Variants in RUSC2 observed in about 807,000 individuals in gnomAD.
RUSC2 encodes the protein AP-4 complex accessory subunit RUSC2.
RUSC2 carries 34 observed loss-of-function variants against 122.2 expected under a neutral mutation model. The observed-to-expected ratio is 0.28, with a 90% confidence interval of 0.21 to 0.37. The LOEUF (loss-of-function observed/expected upper bound fraction) is 0.37, where lower values mean the gene tolerates loss of function less well. Among genes scored for constraint, RUSC2 ranks in the 10% least tolerant of loss-of-function variants. The pLI is 1.00. For synonymous variants in RUSC2, 784 were observed against 790.0 expected (o/e 0.99, Z 0.13); for missense variants, 1,747 against 1,952.4 (o/e 0.89, Z 1.98).
intron 1 of RUSC2, among the ~76,000 whole-genome samples, chr9:35,505,749 A>C (rs1196319237): frequency 6.6e-6 from 1 of 152,184 alleles, no homozygotes; most frequent in Admixed American, 6.6e-5. Flanking sequence ...TGTACTTAGG[A>C]CAGAAACAAC....
intron 1 of RUSC2, among the ~76,000 whole-genome samples, chr9:35,522,131 G>C (rs1446250017): frequency 6.6e-6 from 1 of 152,196 alleles, no homozygotes; most frequent in Non-Finnish European, 1.5e-5. Context: ...TAATCTCATG[G>C]CAAGGGTGGA....
chr9:35,525,900 C>T (rs538170055), intron 1 of RUSC2, among the ~76,000 whole-genome samples: 14 of 152,150 alleles, frequency 9.2e-5, no homozygotes, highest in South Asian at 4.1e-4. Context: ...GCCTGGGCAA[C>T]ATGAAACCCT....
chr9:35,500,337 T>C (rs991880666), intron 1 of RUSC2, among the ~76,000 whole-genome samples: 3 of 152,148 alleles, frequency 2.0e-5, no homozygotes, highest in African/African-American at 7.2e-5. Flanking sequence ...GTGAGACTTA[T>C]TTGCAACCAC....
At position 35,558,120 on chromosome 9, in the gene RUSC2, G is replaced by A. The variant is rs1822060713; in HGVS notation, c.3061-77G>A. 2 of 1,590,194 alleles carry A rather than the reference G, an allele frequency of 1.3e-6. No homozygotes were observed. The highest frequency in any genetic ancestry group is 1.7e-5 in the Admixed American group (1 of 59,712). On this transcript the variant is annotated intron_variant, in intron 6 of 11. Transcript: ENST00000361226. This position sits in a 1 kb window ranked among gnomAD's most constrained non-coding sequence, Gnocchi z 4.3. ...CTTAGGAATGGGGACGGCAAGAGGGGAACCATGAGGGCCTGCTACGAGAGG... is the reference window on the plus strand; with the variant it reads ...CTTAGGAATGGGGACGGCAAGAGGGAAACCATGAGGGCCTGCTACGAGAGG...
At position 35,535,415 on chromosome 9, in the gene RUSC2, C is replaced by T. The variant is rs1260971700; in HGVS notation, c.-92-11015C>T. Among the ~76,000 whole-genome samples the T allele has an allele frequency of 4.7e-5, 7 of 148,384 alleles. No homozygotes were observed. In the East Asian group the frequency reaches 9.9e-4, roughly 21 times the overall value. On this transcript the variant is annotated intron_variant, in intron 1 of 11. Coordinates refer to ENST00000361226, the MANE Select transcript of RUSC2 (RefSeq NM_014806.5). ...ACAGGCATTAGCCACCGCTCCCGGC[C>T]GCCTAAGCTTCTTTTTGATAGATTT... is the stretch of plus-strand genomic sequence containing the variant.
intron 1 of RUSC2, among the ~76,000 whole-genome samples, chr9:35,542,048 C>CT (rs938889131): frequency 2.1e-4 from 32 of 151,998 alleles, no homozygotes; most frequent in African/African-American, 7.5e-4. Context: ...TAAAAAGTGC[C>CT]TTGTAAGTAA....
In RUSC2 at chr9:35,556,117, A is replaced by G; in HGVS notation, c.2822A>G (p.His941Arg). 6.2e-7 allele frequency: 1 copy of G among 1,614,160 alleles called. No individual in the cohort carries two copies. The highest frequency in any genetic ancestry group is 2.2e-5 in the East Asian group (1 of 44,868). The change falls in exon 4 of 12, where the codon CAT (histidine) becomes CGT (arginine). Residue 941 changes from histidine (H) to arginine (R), a missense_variant. Physicochemically the swap from His to Arg is conservative, Grantham distance 29. Transcript: ENST00000361226. ...EFPGSLSAASHLNCRLNGQAV... is the reference protein window; with the variant it reads ...EFPGSLSAASRLNCRLNGQAV... ...CCTGGCTCCCTCAGTGCTGCCAGCC[A>G]TCTGAACTGCCGGCTGAATGGTGTG...
intron 1 of RUSC2, among the ~76,000 whole-genome samples, chr9:35,501,065 A>G (rs1820810561): frequency 6.6e-6 from 1 of 152,244 alleles, no homozygotes; most frequent in Non-Finnish European, 1.5e-5. Context: ...AATCTATAGT[A>G]GAGAATAAAG....
intron 1 of RUSC2, among the ~76,000 whole-genome samples, chr9:35,524,043 G>A (rs184547406): frequency 6.6e-6 from 1 of 152,040 alleles, no homozygotes; most frequent in African/African-American, 2.4e-5. Context: ...TCATTTTTTG[G>A]CCAGGCGCAG....
intron 1 of RUSC2, among the ~76,000 whole-genome samples, chr9:35,533,140 G>T (rs910032150): frequency 6.6e-6 from 1 of 151,942 alleles, no homozygotes; most frequent in African/African-American, 2.4e-5. Flanking sequence ...CCAGCTACTC[G>T]AGAGGCTGAG....
chr9:35,524,342 A>G (rs541176164), intron 1 of RUSC2, among the ~76,000 whole-genome samples: 11 of 152,312 alleles, frequency 7.2e-5, no homozygotes, highest in Non-Finnish European at 1.6e-4. Flanking sequence ...TTCAACCATC[A>G]TAGTAAATAA....
rs781700536 is a variant in RUSC2 at position 35,560,501 on chromosome 9, G to A, written c.3861G>A (p.Glu1287=). 1.2e-6 allele frequency: 2 copies of A among 1,614,232 alleles called. No individual in the cohort carries two copies. The highest frequency in any genetic ancestry group is 1.7e-6 in the Non-Finnish European group (2 of 1,180,028). ...AGGTCTACATCGATGGCTCCATTGA[G>A]GGTTCCAGGTTCCCTCGTGGTAGCA... ...SSQVYIDGSI[E]GSRFPRGSSN... The change falls in exon 10 of 12, where the codon GAG becomes GAA. Residue 1287 remains glutamate, a synonymous_variant. Coordinates refer to ENST00000361226, the MANE Select transcript of RUSC2 (RefSeq NM_014806.5).
At position 35,548,646 on chromosome 9, in the gene RUSC2, C is replaced by T; in HGVS notation, c.2014+111C>T. On this transcript the variant is annotated intron_variant, in intron 2 of 11. Transcript: ENST00000361226. This position sits in a 1 kb window ranked among gnomAD's most constrained non-coding sequence, Gnocchi z 4.5. Reference sequence around the variant, plus strand: ...ACCCCATCCATACCACTAGAGGTTCCACATCCTAGATCTGTTATCCTTCTA... The same window carrying T: ...ACCCCATCCATACCACTAGAGGTTCTACATCCTAGATCTGTTATCCTTCTA... 1 of 1,438,288 alleles carries T rather than the reference C, an allele frequency of 7.0e-7. No homozygotes were observed. 89.1% of individuals were successfully genotyped at this position (1,438,288 alleles called of 1,614,324 possible).
intron 1 of RUSC2, chr9:35,507,481 C>T (rs562117761): frequency 9.2e-4 from 144 of 155,794 alleles, no homozygotes; most frequent in Non-Finnish European, 1.5e-3. Context: ...AATAGCTCAG[C>T]TTTGCTGGAG....
chr9:35,555,639 G>A lies in RUSC2; in HGVS notation c.2594G>A (p.Ser865Asn). ...PPLGSWRSGL[S>N]RAESLARGGG... ...CTGGGCTCCTGGCGATCTGGCCTCAGCCGAGCAGAGAGCCTGGCCCGGGGA... is the reference window on the plus strand; with the variant it reads ...CTGGGCTCCTGGCGATCTGGCCTCAACCGAGCAGAGAGCCTGGCCCGGGGA... Residue 865 changes from serine (S) to asparagine (N), a missense_variant, in exon 3 of 12, where the codon AGC (serine) becomes AAC (asparagine). By Grantham distance (46) the Ser-to-Asn change is conservative. Transcript: ENST00000361226. The surrounding 1 kb of genome is among the most constrained non-coding windows in gnomAD (Gnocchi z 4.6). The A allele has an allele frequency of 6.2e-7, 1 of 1,610,542 alleles. No homozygotes were observed. The highest frequency in any genetic ancestry group is 8.5e-7 in the Non-Finnish European group (1 of 1,179,890).
At position 35,547,340 on chromosome 9, in the gene RUSC2, C is replaced by G. The variant is rs762479031; in HGVS notation, c.819C>G (p.Ser273=). Reference sequence around the variant, plus strand: ...CCATGGGCTATGTGAGCGACTCCTCCTGCAACAGTTCAGATGGTGTGCTGG... The same window carrying G: ...CCATGGGCTATGTGAGCGACTCCTCGTGCAACAGTTCAGATGGTGTGCTGG... ...DQSMGYVSDS[S]CNSSDGVLVT... Residue 273 remains serine (S), a synonymous_variant, in exon 2 of 12, where the codon TCC becomes TCG. Transcript: ENST00000361226. This position sits in a 1 kb window ranked among gnomAD's most constrained non-coding sequence, Gnocchi z 4.6. The G allele has an allele frequency of 6.2e-7, 1 of 1,614,208 alleles. No individual in the cohort carries two copies. The highest frequency in any genetic ancestry group is 1.1e-5 in the South Asian group (1 of 91,086).
intron 1 of RUSC2, among the ~76,000 whole-genome samples, chr9:35,493,711 C>T (rs1172222432): frequency 6.6e-6 from 1 of 152,062 alleles, no homozygotes; most frequent in Non-Finnish European, 1.5e-5. Flanking sequence ...CCACGTTGGC[C>T]AGGCTGGTCT....
At chr9:35,509,983 G>A (rs1820984540) in intron 1 of RUSC2, among the ~76,000 whole-genome samples, 1 of 152,166 alleles carries the variant, frequency 6.6e-6, no homozygotes, top group Admixed American at 6.5e-5. Context: ...ACATTGACCA[G>A]AAAGAAACAA....
At chr9:35,501,941 AGTT>A (rs1564243593) in intron 1 of RUSC2, among the ~76,000 whole-genome samples, 1 of 152,184 alleles carries the variant, frequency 6.6e-6, no homozygotes. Flanking sequence ...TGAAAACAAT[AGTT>A]GTTTTTAGAA....
Sources: gnomAD v4.1 joint callset for allele counts (sites outside exome capture counted in the v4.1 genomes callset) on GRCh38, gnomAD v4.1.1 for gene constraint, Gnocchi (gnomAD v3.1) non-coding constraint, MANE v1.5 for transcripts, NCBI Gene and HGNC (gene_info 2026-07-23, HGNC 2026-07-21) for gene names.